Variants in SOX7 observed in about 807,000 individuals in gnomAD.
SOX7 encodes transcription factor SOX-7.
In SOX7, 19 loss-of-function variants were observed where a neutral mutation model predicts 24.9. That is an observed-to-expected ratio of 0.76 (90% CI 0.53 to 1.12). The LOEUF (loss-of-function observed/expected upper bound fraction) is 1.12. SOX7 is among the 50% of genes most tolerant of loss of function. The pLI, the probability that SOX7 is intolerant of heterozygous loss-of-function variation, is 0.00. For missense variants in SOX7, 702 were observed against 535.0 expected, an observed-to-expected ratio of 1.31 and a Z score of -3.08; for synonymous variants, 327 against 244.5, an observed-to-expected ratio of 1.34 and a Z score of -3.15.
In SOX7 at chr8:10,725,549, TG is replaced by T; in HGVS notation, c.*188del. On this transcript the variant is annotated 3_prime_UTR_variant, in exon 2 of 2. Transcript: ENST00000304501. ...AATGTGGGCTGCAGGGGCTGGAACG[TG>T]GGGAAGGGGATAGAGGCGGCACTCG... The T allele has an allele frequency of 1.6e-6, 1 of 608,484 alleles. No homozygotes were observed. The highest frequency in any genetic ancestry group is 2.8e-5 in the East Asian group (1 of 35,828). The allele number at this position is 608,484 out of a possible 1,614,324, so 37.7% of individuals were successfully genotyped here.
intron 1 of SOX7, among the ~76,000 whole-genome samples, chr8:10,728,433 A>C (rs1360290865): frequency 6.6e-6 from 1 of 152,240 alleles, no homozygotes; most frequent in Non-Finnish European, 1.5e-5. Flanking sequence ...AATGTCACAC[A>C]GGTGGAGGGG....
At position 10,726,196 on chromosome 8, in the gene SOX7, G is replaced by C. The variant is rs377475444; in HGVS notation, c.709C>G (p.Leu237Val). 2.4e-5 allele frequency: 38 copies of C among 1,612,916 alleles called. No individual in the cohort carries two copies. The highest frequency in any genetic ancestry group is 3.0e-5 in the Non-Finnish European group (35 of 1,179,522). The stretch of plus-strand genomic sequence containing the variant: ...TCCGGTGAGTACGGGTGCCCTGGCA[G>C]GTGGGGGATGCGGCGGGGATGGCCA... ...EHGHPRRIPH[L>V]PGHPYSPEYA... The change falls in exon 2 of 2, where the codon CTG (leucine) becomes GTG (valine). Residue 237 changes from leucine (L) to valine (V), a missense_variant. Leu to Val is a conservative substitution (Grantham distance 32). Transcript: ENST00000304501.
chr8:10,726,778 C>T (rs10100333), intron 1 of SOX7, 112 bp from the exon 2 acceptor site: 581,222 of 979,002 alleles, frequency 0.59, 176,897 homozygotes, highest in African/African-American at 0.77. Context: ...CTTCCCCCTC[C>T]CAGCCACAGA....
In SOX7 at chr8:10,726,418, C is replaced by T. The variant is rs1222159969; in HGVS notation, c.487G>A (p.Gly163Ser). Residue 163 changes from glycine to serine, a missense_variant, in exon 2 of 2, where the codon GGT becomes AGT. Physicochemically the swap from Gly to Ser is moderately conservative, Grantham distance 56. Transcript: ENST00000304501. The stretch of plus-strand genomic sequence containing the variant: ...AGGGCAGTGCCGGGGGAGTACTCAC[C>T]CCTGTCCTCCTTCTCCCCCAGCGCC... ...RGALGEKEDR[G>S]EYSPGTALPS... is the part of the protein sequence containing the mutation. The T allele has an allele frequency of 6.2e-7, 1 of 1,612,238 alleles. No individual in the cohort carries two copies. The highest frequency in any genetic ancestry group is 8.5e-7 in the Non-Finnish European group (1 of 1,179,544).
rs1800121397 is a variant in SOX7 at position 10,725,378 on chromosome 8, C to G, written c.*360G>C. On this transcript the variant is annotated 3_prime_UTR_variant, in exon 2 of 2. Transcript: ENST00000304501. The stretch of plus-strand genomic sequence containing the variant: ...CTTGAGAGAACCCTAAATCAGAAAA[C>G]TGGACCAGAAGGGACCTTGGCTATC... The G allele has an allele frequency of 3.8e-6, 1 of 265,614 alleles. No individual in the cohort carries two copies. Among genetic ancestry groups the G allele is most frequent in the Non-Finnish European group, 7.2e-6 (1 of 139,792 alleles). The allele number at this position is 265,614 out of a possible 1,614,324, so 16.5% of individuals were successfully genotyped here.
intron 1 of SOX7, among the ~76,000 whole-genome samples, chr8:10,728,372 C>T (rs896463982): frequency 2.0e-5 from 3 of 152,148 alleles, no homozygotes; most frequent in Admixed American, 1.3e-4. Context: ...AGTTGAGACT[C>T]GCATATCCAG....
chr8:10,728,507 G>A (rs1009856780), intron 1 of SOX7, among the ~76,000 whole-genome samples: 3 of 152,204 alleles, frequency 2.0e-5, no homozygotes, highest in South Asian at 4.1e-4. Context: ...CCAGTGTTGC[G>A]GTTTCCCTCA....
Position 10,730,424 on chromosome 8 carries a change from G to A in SOX7, c.10C>T (p.Leu4=). 6.8e-7 allele frequency: 1 copy of A among 1,480,778 alleles called. No homozygotes were observed. The highest frequency in any genetic ancestry group is 1.5e-5 in the African/African-American group (1 of 67,272). 91.7% of individuals were successfully genotyped at this position (1,480,778 alleles called of 1,614,324 possible). ...TCGGGCCAAGGGTAGGCTCCCAGCA[G>A]CGAAGCCATGGCCGCACGCGGGTCG... MAS[L]LGAYPWPEGL... is the part of the protein sequence containing the mutation. The change falls in exon 1 of 2, where the codon CTG becomes TTG. Residue 4 remains leucine, a synonymous_variant. Coordinates refer to ENST00000304501, the MANE Select transcript of SOX7 (RefSeq NM_031439.4). The surrounding 1 kb of genome is among the most constrained non-coding windows in gnomAD (Gnocchi z 4.8).
At position 10,725,449 on chromosome 8, in the gene SOX7, C is replaced by T. The variant is rs535320226; in HGVS notation, c.*289G>A. On this transcript the variant is annotated 3_prime_UTR_variant, in exon 2 of 2. Coordinates refer to ENST00000304501, the MANE Select transcript of SOX7 (RefSeq NM_031439.4). ...TTCGATGATGGCTACCAAGAAAAGA[C>T]GTCAGTGAACATTCCACTGGGAGAC... 1.3e-4 allele frequency: 59 copies of T among 458,860 alleles called. 1 individual carries two copies. In the South Asian group the frequency reaches 1.5e-3, roughly 12 times the overall value. The allele number at this position is 458,860 out of a possible 1,614,324, so 28.4% of individuals were successfully genotyped here.
chr8:10,726,104 G>T lies in SOX7; in HGVS notation c.801C>A (p.Gly267=), dbSNP rs201998586. The part of the protein sequence containing the change: ...LGSLALGQSP[G]VSMMSPVPGC... ...CGGGTACAGGGGACATCATGGAGAC[G>T]CCGGGGGACTGGCCAAGGGCCAGGG... Residue 267 remains glycine (G), a synonymous_variant, in exon 2 of 2, where the codon GGC becomes GGA. Transcript: ENST00000304501. 270 of 1,567,326 alleles carry T rather than the reference G, an allele frequency of 1.7e-4. 1 individual carries two copies. In the African/African-American group the frequency reaches 3.2e-3, roughly 19 times the overall value.
rs1800134984 is a variant in SOX7 at position 10,725,814 on chromosome 8, C to T, written c.1091G>A (p.Gly364Asp). The stretch of plus-strand genomic sequence containing the variant: ...GGAGATGAGGCTGGTCTCTGTGGGA[C>T]CCGTTGGTGTCACCTGGGAGACCGG... ...HVPVSQVTPT[G>D]PTETSLISVL... The change falls in exon 2 of 2, where the codon GGT becomes GAT. Residue 364 changes from glycine to aspartate, a missense_variant. Gly to Asp is a moderately conservative substitution (Grantham distance 94, BLOSUM62 -1). Transcript: ENST00000304501. 6.2e-7 allele frequency: 1 copy of T among 1,614,202 alleles called. No homozygotes were observed. Among genetic ancestry groups the T allele is most frequent in the Non-Finnish European group, 8.5e-7 (1 of 1,180,032 alleles).
Position 10,730,108 on chromosome 8 carries a change from G to T in SOX7, c.238+88C>A. The T allele has an allele frequency of 9.9e-7, 1 of 1,012,796 alleles. No homozygotes were observed. Among genetic ancestry groups the T allele is most frequent in the Non-Finnish European group, 1.3e-6 (1 of 775,080 alleles). 62.7% of individuals were successfully genotyped at this position (1,012,796 alleles called of 1,614,324 possible). On this transcript the variant is annotated intron_variant, in intron 1 of 1. Transcript: ENST00000304501. The surrounding 1 kb of genome is among the most constrained non-coding windows in gnomAD (Gnocchi z 4.8). ...GTCCCGCGTGCCGGGTCTTCCCCAG[G>T]CTCCGCGCTCGCACCCGCCCTGCAG...
Position 10,729,906 on chromosome 8 carries a change from C to T in SOX7, c.238+290G>A, listed in dbSNP as rs534654469. 1.7e-3 allele frequency among the ~76,000 whole-genome samples: 254 copies of T among 152,214 alleles called. 1 individual carries two copies. Among genetic ancestry groups the T allele is most frequent in the South Asian group, 0.015 (70 of 4,818 alleles). On this transcript the variant is annotated intron_variant, in intron 1 of 1. Coordinates refer to ENST00000304501, the MANE Select transcript of SOX7 (RefSeq NM_031439.4). ...CCAGGCGTCCTGGCCTGGCCGCTGC[C>T]CCGTCTCCCCGCCCCCTGGGGCGCC...
chr8:10,726,082 G>C lies in SOX7; in HGVS notation c.823C>G (p.Pro275Ala), dbSNP rs1800143126. 1 of 1,565,624 alleles carries C rather than the reference G, an allele frequency of 6.4e-7. No homozygotes were observed. Among genetic ancestry groups the C allele is most frequent in the African/African-American group, 1.4e-5 (1 of 73,842 alleles). ...SPGVSMMSPVPGCPPSPAYYS... is the reference protein window; with the variant it reads ...SPGVSMMSPVAGCPPSPAYYS... Reference sequence around the variant, plus strand: ...TAGGCAGGAGATGGGGGACAGCCGGGTACAGGGGACATCATGGAGACGCCG... The same window carrying C: ...TAGGCAGGAGATGGGGGACAGCCGGCTACAGGGGACATCATGGAGACGCCG... Residue 275 changes from proline to alanine, a missense_variant, in exon 2 of 2, where the codon CCC (proline) becomes GCC (alanine). Transcript: ENST00000304501.
chr8:10,730,171 C>T lies in SOX7; in HGVS notation c.238+25G>A. 6.8e-7 allele frequency: 1 copy of T among 1,478,310 alleles called. No homozygotes were observed. Among genetic ancestry groups the T allele is most frequent in the South Asian group, 1.4e-5 (1 of 69,496 alleles). The allele number at this position is 1,478,310 out of a possible 1,614,324, so 91.6% of individuals were successfully genotyped here. A position where few individuals can be genotyped will look rare whatever the true frequency, so the allele number is the denominator to read the frequency against. On this transcript the variant is annotated intron_variant, in intron 1 of 1. Coordinates refer to ENST00000304501, the MANE Select transcript of SOX7 (RefSeq NM_031439.4). This position sits in a 1 kb window ranked among gnomAD's most constrained non-coding sequence, Gnocchi z 4.8. ...CCCGCCGCCCGCCCCCGGCCCCCAG[C>T]CCGCTCGGCCGCGCGCTCACTCACC...
At position 10,726,334 on chromosome 8, in the gene SOX7, G is replaced by C; in HGVS notation, c.571C>G (p.Pro191Ala). ...GPAGGGGGGTPSSVDTYPYGL... is the reference protein window; with the variant it reads ...GPAGGGGGGTASSVDTYPYGL... ...TACGGGTACGTGTCCACACTGCTCG[G>C]GGTGCCGCCGCCGCCACCACCAGCC... is the stretch of plus-strand genomic sequence containing the variant. Residue 191 changes from proline to alanine, a missense_variant, in exon 2 of 2, where the codon CCG (proline) becomes GCG (alanine). Physicochemically the swap from Pro to Ala is conservative, Grantham distance 27 (BLOSUM62 -1). Coordinates refer to ENST00000304501, the MANE Select transcript of SOX7 (RefSeq NM_031439.4). The C allele has an allele frequency of 1.9e-6, 3 of 1,612,688 alleles. No individual in the cohort carries two copies. Among genetic ancestry groups the C allele is most frequent in the Non-Finnish European group, 2.5e-6 (3 of 1,179,658 alleles).
intron 1 of SOX7, 150 bp from the exon 2 acceptor site, chr8:10,726,816 C>A (rs1228866195): frequency 4.1e-6 from 3 of 726,110 alleles, no homozygotes; most frequent in Admixed American, 3.2e-5. Context: ...GCACCCTCTT[C>A]CCAGCCCAGA....
intron 1 of SOX7, among the ~76,000 whole-genome samples, chr8:10,728,518 C>T (rs571401939): frequency 4.6e-5 from 7 of 152,218 alleles, no homozygotes; most frequent in Non-Finnish European, 1.0e-4. Context: ...GTTTCCCTCA[C>T]CCAGTGCCAG....
In SOX7 at chr8:10,725,705, C is replaced by G. The variant is rs372656377; in HGVS notation, c.*33G>C. ...CACTCAAGGCACAAGAAGGAGAGGG[C>G]GCGAGGGCTGACCGGACGGGGCGCC... On this transcript the variant is annotated 3_prime_UTR_variant, in exon 2 of 2. Coordinates refer to ENST00000304501, the MANE Select transcript of SOX7 (RefSeq NM_031439.4). The G allele has an allele frequency of 4.3e-6, 7 of 1,610,878 alleles. No individual in the cohort carries two copies. The highest frequency in any genetic ancestry group is 5.9e-6 in the Non-Finnish European group (7 of 1,178,038).
Sources: gnomAD v4.1 joint callset for allele counts (sites outside exome capture counted in the v4.1 genomes callset) on GRCh38, gnomAD v4.1.1 for gene constraint, Gnocchi (gnomAD v3.1) non-coding constraint, MANE v1.5 for transcripts, NCBI Gene and HGNC (gene_info 2026-07-23, HGNC 2026-07-21) for gene names.